Variants in ATP10B observed in about 807,000 individuals in gnomAD.
ATP10B encodes the protein phospholipid-transporting ATPase VB.
A neutral mutation model predicts 141.2 loss-of-function variants in ATP10B; 122 were observed. The ratio of observed to expected loss-of-function variants is 0.86; its 90% confidence interval spans 0.75 to 1.00. ATP10B has a LOEUF of 1.00. ATP10B is among the 50% of genes least tolerant of loss of function. ATP10B has a pLI of 0.00. For synonymous variants in ATP10B, 685 were observed against 692.0 expected (o/e 0.99, Z 0.16); for missense variants, 1,876 against 1,825.3 (o/e 1.03, Z -0.51).
chr5:160,753,724 G>A (rs186583640), intron 2 of ATP10B, among the ~76,000 whole-genome samples: 1 of 152,230 alleles, frequency 6.6e-6, no homozygotes, highest in Admixed American at 6.5e-5. Flanking sequence ...AACATTTATT[G>A]AGTCCCCATC....
At position 160,620,926 on chromosome 5, in the gene ATP10B, C is replaced by A; in HGVS notation, c.1837G>T (p.Ala613Ser). The A allele has an allele frequency of 6.2e-7, 1 of 1,613,622 alleles. No homozygotes were observed. Among genetic ancestry groups the A allele is most frequent in the African/African-American group, 1.3e-5 (1 of 75,026 alleles). Residue 613 changes from alanine (A) to serine (S), a missense_variant, in exon 15 of 26, where the codon GCT becomes TCT. Ala to Ser is a moderately conservative substitution (Grantham distance 99). Transcript: ENST00000327245. Reference sequence around the variant, plus strand: ...ATCTTCTCCAGGGACGTCCCCAGAGCCTTGCTTGAGGGTTTGATGGTGACC... The same window carrying A: ...ATCTTCTCCAGGGACGTCCCCAGAGACTTGCTTGAGGGTTTGATGGTGACC... Reference protein sequence around the residue: ...QRVTIKPSSKALGTSLEKIQQ... With the variant: ...QRVTIKPSSKSLGTSLEKIQQ...
At chr5:160,830,234 CAT>C (rs1231913736) in intron 1 of ATP10B, among the ~76,000 whole-genome samples, 1 of 152,058 alleles carries the variant, frequency 6.6e-6, no homozygotes, top group Admixed American at 6.6e-5. Flanking sequence ...TGTGGTGAAT[CAT>C]ATTTATTGAT....
Position 160,591,124 on chromosome 5 carries a change from T to C in ATP10B, c.3580A>G (p.Thr1194Ala), listed in dbSNP as rs1756264426. The C allele has an allele frequency of 6.2e-7, 1 of 1,614,004 alleles. No individual in the cohort carries two copies. The highest frequency in any genetic ancestry group is 8.5e-7 in the Non-Finnish European group (1 of 1,179,906). Residue 1194 changes from threonine (T) to alanine (A), a missense_variant, in exon 23 of 26, where the codon ACT becomes GCT. By Grantham distance (58) the Thr-to-Ala change is moderately conservative. Coordinates refer to ENST00000327245, the MANE Select transcript of ATP10B (RefSeq NM_025153.3). Reference protein sequence around the residue: ...GQNSECYNLSTFWISMVDAFY... With the variant: ...GQNSECYNLSAFWISMVDAFY... Reference sequence around the variant, plus strand: ...GCATCCACCATAGAAATCCAGAAAGTCGACAGGTTATAGCACTGCCAGGAG... The same window carrying C: ...GCATCCACCATAGAAATCCAGAAAGCCGACAGGTTATAGCACTGCCAGGAG...
intron 1 of ATP10B, among the ~76,000 whole-genome samples, chr5:160,850,311 C>A (rs1753717858): frequency 6.6e-6 from 1 of 152,052 alleles, no homozygotes; most frequent in African/African-American, 2.4e-5. Flanking sequence ...GTAATCCTAG[C>A]TACTTGGGAG....
At chr5:160,783,206 A>G (rs538290124) in intron 2 of ATP10B, among the ~76,000 whole-genome samples, 7 of 151,692 alleles carry the variant, frequency 4.6e-5, no homozygotes, top group East Asian at 2.0e-4. Flanking sequence ...AGTCCATTGT[A>G]TCATTCTTAT....
intron 2 of ATP10B, among the ~76,000 whole-genome samples, chr5:160,748,067 G>A (rs1259739709): frequency 1.3e-5 from 2 of 151,802 alleles, no homozygotes; most frequent in Admixed American, 6.6e-5. Flanking sequence ...ATTTGCAGGT[G>A]TTGATGTGGC....
In ATP10B at chr5:160,612,774, G is replaced by A. The variant is rs765315343; in HGVS notation, c.2805C>T (p.Thr935=). 26 of 1,613,814 alleles carry A rather than the reference G, an allele frequency of 1.6e-5. No individual in the cohort carries two copies. In the Admixed American group the frequency reaches 2.3e-4, roughly 14 times the overall value. Residue 935 remains threonine (T), a synonymous_variant, in exon 18 of 26, where the codon ACC becomes ACT. Transcript: ENST00000327245. ...CTGTATTGATGGTATAAACAGTGTCGGTCTGATTTAACAGTCTGCAGGAAT... is the reference window on the plus strand; with the variant it reads ...CTGTATTGATGGTATAAACAGTGTCAGTCTGATTTAACAGTCTGCAGGAAT... ...IAHSCRLLNQ[T]DTVYTINTEN... is the part of the protein sequence containing the mutation.
chr5:160,881,923 A>T, the ATP10B span, among the ~76,000 whole-genome samples: 2 of 152,228 alleles, frequency 1.3e-5, no homozygotes, highest in African/African-American at 4.8e-5. Context: ...ACACAATGAA[A>T]TATTATTTAA....
intron 1 of ATP10B, among the ~76,000 whole-genome samples, chr5:160,826,513 T>C (rs1408814907): frequency 2.6e-5 from 4 of 152,318 alleles, no homozygotes; most frequent in East Asian, 1.9e-4. Context: ...ACTGTACAAA[T>C]TGATTGTAAA....
chr5:160,755,826 AAAAAAAAAAAAAATATATATAT>A (rs1395454596), intron 2 of ATP10B, among the ~76,000 whole-genome samples: 1 of 68,614 alleles, frequency 1.5e-5, no homozygotes, highest in African/African-American at 5.7e-5. Flanking sequence ...AAAAAAAAAA[AAAAAAAAAAAAAATATATATAT>A]ATATATATAT....
chr5:160,836,130 G>T (rs752494582), intron 1 of ATP10B, among the ~76,000 whole-genome samples: 1 of 152,020 alleles, frequency 6.6e-6, no homozygotes, highest in East Asian at 1.9e-4. Flanking sequence ...TAAATGATGA[G>T]AGATTATTTA....
chr5:160,688,127 G>A, intron 4 of ATP10B, 33 bp from the exon 5 acceptor site: 1 of 1,579,134 alleles, frequency 6.3e-7, no homozygotes, highest in Non-Finnish European at 8.6e-7. Context: ...CTATGTTTAG[G>A]AGAAACGTGC....
intron 1 of ATP10B, among the ~76,000 whole-genome samples, chr5:160,840,185 A>T (rs887368590): frequency 5.9e-5 from 9 of 152,174 alleles, no homozygotes; most frequent in African/African-American, 2.2e-4. Context: ...TAATTATGTT[A>T]ATTTATAGAT....
At chr5:160,603,708 C>A in intron 20 of ATP10B, 2 of 478,282 alleles carry the variant, frequency 4.2e-6, no homozygotes, top group Non-Finnish European at 7.6e-6. Flanking sequence ...TGGCTCAAAA[C>A]CCACAAAATG....
chr5:160,742,677 A>G (rs975901624), intron 2 of ATP10B, among the ~76,000 whole-genome samples: 1 of 152,202 alleles, frequency 6.6e-6, no homozygotes, highest in Non-Finnish European at 1.5e-5. Flanking sequence ...GGAAAAGGAA[A>G]GCTGAATAGA....
intron 4 of ATP10B, 110 bp downstream of exon 4, chr5:160,688,650 C>A (rs1230469290): frequency 3.5e-6 from 2 of 564,380 alleles, no homozygotes; most frequent in Non-Finnish European, 4.5e-6. Flanking sequence ...TTGGATAGTA[C>A]AGAAAAATAT....
Position 160,623,395 on chromosome 5 carries a change from T to C in ATP10B, c.1621-810A>G, listed in dbSNP as rs573726716. 7.9e-5 allele frequency among the ~76,000 whole-genome samples: 12 copies of C among 152,312 alleles called. No individual in the cohort carries two copies. In the South Asian group the frequency reaches 2.5e-3, roughly 32 times the overall value. Reference sequence around the variant, plus strand: ...GAGGACATTATGGGGTGGTGGGAGCTATGAGACCTAGCAAGTCCTACCACT... The same window carrying C: ...GAGGACATTATGGGGTGGTGGGAGCCATGAGACCTAGCAAGTCCTACCACT... On this transcript the variant is annotated intron_variant, in intron 13 of 25. Transcript: ENST00000327245.
At chr5:160,576,153 T>C (rs946893454) in intron 24 of ATP10B, among the ~76,000 whole-genome samples, 1 of 152,136 alleles carries the variant, frequency 6.6e-6, no homozygotes, top group South Asian at 2.1e-4. Context: ...ATTGTTTGGA[T>C]GGGGTTCTGG....
intron 1 of ATP10B, among the ~76,000 whole-genome samples, chr5:160,804,520 T>C (rs1053612651): frequency 1.3e-5 from 2 of 152,208 alleles, no homozygotes; most frequent in African/African-American, 2.4e-5. Flanking sequence ...GAAAACAGGC[T>C]TATGAGCCCA....
Sources: gnomAD v4.1 joint callset for allele counts (sites outside exome capture counted in the v4.1 genomes callset) on GRCh38, gnomAD v4.1.1 for gene constraint, MANE v1.5 for transcripts, NCBI Gene and HGNC (gene_info 2026-07-23, HGNC 2026-07-21) for gene names.